FARS2: variants seen among roughly 807,000 people sequenced by gnomAD.
The protein encoded by FARS2 is phenylalanyl-tRNA synthetase 2, mitochondrial.
FARS2 carries 40 observed loss-of-function variants against 46.4 expected under a neutral mutation model. The observed-to-expected ratio is 0.86, with a 90% CI of 0.67 to 1.12. FARS2 has a LOEUF of 1.12. Among genes scored for constraint, FARS2 ranks in the 50% most tolerant of loss-of-function variants. The probability of loss-of-function intolerance (pLI) is 0.00; values close to 1 mark genes in which losing one functional copy is unlikely to be tolerated. For missense variants in FARS2, 513 were observed against 567.9 expected (o/e 0.90, Z 0.98); for synonymous variants, 234 against 214.9 (o/e 1.09, Z -0.78).
intron 4 of FARS2, among the ~76,000 whole-genome samples, chr6:5,485,376 A>G (rs1231369213): frequency 6.6e-6 from 1 of 152,094 alleles, no homozygotes; most frequent in Non-Finnish European, 1.5e-5. Flanking sequence ...CTTGGTCAGC[A>G]TTTTTTGCCT....
chr6:5,524,455 G>A (rs1020867591), intron 4 of FARS2, among the ~76,000 whole-genome samples: 9 of 152,228 alleles, frequency 5.9e-5, no homozygotes, highest in African/African-American at 2.2e-4. Flanking sequence ...ATGTATTAAC[G>A]TAGGATATGA....
At chr6:5,474,906 C>A (rs1488377329) in intron 4 of FARS2, among the ~76,000 whole-genome samples, 4 of 152,156 alleles carry the variant, frequency 2.6e-5, no homozygotes, top group African/African-American at 9.7e-5. Context: ...GATCCACCCA[C>A]CTCGGCCTCC....
chr6:5,432,345 T>TATTATATATATATAAA (rs1763241469), intron 4 of FARS2, among the ~76,000 whole-genome samples: 1 of 32,214 alleles, frequency 3.1e-5, no homozygotes, highest in Non-Finnish European at 7.0e-5. Flanking sequence ...TATATATATA[T>TATTATATATATATAAA]ATATATTATA....
chr6:5,537,543 T>C (rs184511412), intron 4 of FARS2, among the ~76,000 whole-genome samples: 4 of 115,038 alleles, frequency 3.5e-5, no homozygotes, highest in African/African-American at 1.3e-4. Context: ...CCGGGCCTCC[T>C]CTCGAGTTGG....
At chr6:5,585,467 TCCCCATTCCCCCA>T (rs770295127) in intron 5 of FARS2, among the ~76,000 whole-genome samples, 5 of 152,022 alleles carry the variant, frequency 3.3e-5, no homozygotes, top group Admixed American at 6.6e-5. Flanking sequence ...GACCAACACC[TCCCCATTCCCCCA>T]CCCCCATCCC....
chr6:5,461,841 C>CT (rs1215769964), intron 4 of FARS2, among the ~76,000 whole-genome samples: 1 of 152,146 alleles, frequency 6.6e-6, no homozygotes, highest in Non-Finnish European at 1.5e-5. Flanking sequence ...CGTTTAGATC[C>CT]TTTACAGTTT....
intron 6 of FARS2, among the ~76,000 whole-genome samples, chr6:5,626,803 T>C (rs1776055179): frequency 6.6e-6 from 1 of 152,254 alleles, no homozygotes; most frequent in African/African-American, 2.4e-5. Flanking sequence ...GGATACATTC[T>C]GAGAAATTCG....
At chr6:5,482,680 G>T (rs923993807) in intron 4 of FARS2, among the ~76,000 whole-genome samples, 1 of 152,176 alleles carries the variant, frequency 6.6e-6, no homozygotes, top group African/African-American at 2.4e-5. Context: ...ACTGTGATGA[G>T]CACTGCAAGG....
intron 6 of FARS2, among the ~76,000 whole-genome samples, chr6:5,648,615 T>C (rs574173162): frequency 1.2e-4 from 18 of 152,204 alleles, no homozygotes; most frequent in Non-Finnish European, 2.4e-4. Flanking sequence ...CACTTCCTTC[T>C]GATGCTTTCT....
At chr6:5,666,723 A>G (rs1052824733) in intron 6 of FARS2, among the ~76,000 whole-genome samples, 7 of 152,352 alleles carry the variant, frequency 4.6e-5, no homozygotes, top group African/African-American at 1.4e-4. Context: ...CCATTGCTGG[A>G]TATACACCCA....
At chr6:5,754,264 G>A (rs952195480) in intron 6 of FARS2, among the ~76,000 whole-genome samples, 3 of 152,160 alleles carry the variant, frequency 2.0e-5, no homozygotes, top group Non-Finnish European at 2.9e-5. Context: ...CAGAGCCAGC[G>A]CTCTCAGCCC....
chr6:5,644,013 C>A (rs904641291), intron 6 of FARS2, among the ~76,000 whole-genome samples: 5 of 152,036 alleles, frequency 3.3e-5, no homozygotes, highest in African/African-American at 1.2e-4. Flanking sequence ...ATGTTGGATG[C>A]AGATGTAATG....
upstream of FARS2, among the ~76,000 whole-genome samples, chr6:5,256,422 G>A (rs996596941): frequency 1.4e-5 from 2 of 140,242 alleles, no homozygotes; most frequent in African/African-American, 5.4e-5. Context: ...CCTGGGAGGT[G>A]GAGGTTGCAG....
Position 5,413,014 on chromosome 6 carries a change from G to C in FARS2, c.772+8313G>C, listed in dbSNP as rs569687015. The stretch of plus-strand genomic sequence containing the variant: ...GTGCCTCGCTTTAAGCCAGTGGAGG[G>C]ACTCAGTGGAAATAAGACACCACCC... On this transcript the variant is annotated intron_variant, in intron 3 of 6. Transcript: ENST00000274680. Among the ~76,000 whole-genome samples, 4 of 152,292 alleles carry C rather than the reference G, an allele frequency of 2.6e-5. No homozygotes were observed. In the East Asian group the frequency reaches 7.7e-4, roughly 29 times the overall value.
At chr6:5,687,836 G>C (rs1757366058) in intron 6 of FARS2, among the ~76,000 whole-genome samples, 1 of 152,148 alleles carries the variant, frequency 6.6e-6, no homozygotes, top group Non-Finnish European at 1.5e-5. Context: ...CCATGAGTGT[G>C]GAATGTTCTT....
At chr6:5,633,678 A>G (rs1004051431) in intron 6 of FARS2, among the ~76,000 whole-genome samples, 9 of 152,222 alleles carry the variant, frequency 5.9e-5, no homozygotes, top group Non-Finnish European at 1.3e-4. Flanking sequence ...GTCATATACT[A>G]TTTTAATATT....
At chr6:5,708,644 C>T (rs1343920081) in intron 6 of FARS2, among the ~76,000 whole-genome samples, 1 of 151,862 alleles carries the variant, frequency 6.6e-6, no homozygotes, top group Non-Finnish European at 1.5e-5. Flanking sequence ...TCCTTCTACA[C>T]CCCCACACAC....
intron 4 of FARS2, among the ~76,000 whole-genome samples, chr6:5,441,014 C>T (rs1165831881): frequency 2.6e-5 from 4 of 152,022 alleles, no homozygotes; most frequent in South Asian, 2.1e-4. Flanking sequence ...CTGCATCTCC[C>T]GGCTTCAGGT....
At chr6:5,282,894 A>G (rs545544401) in intron 1 of FARS2, among the ~76,000 whole-genome samples, 1 of 152,312 alleles carries the variant, frequency 6.6e-6, no homozygotes, top group East Asian at 1.9e-4. Flanking sequence ...AACAGCAGGG[A>G]TAAAGGAGAG....
Sources: gnomAD v4.1 joint callset for allele counts (sites outside exome capture counted in the v4.1 genomes callset) on GRCh38, gnomAD v4.1.1 for gene constraint, MANE v1.5 for transcripts, NCBI Gene and HGNC (gene_info 2026-07-23, HGNC 2026-07-21) for gene names.